Variants in GABRA2 observed in about 807,000 individuals in gnomAD.
GABRA2 encodes the protein gamma-aminobutyric acid receptor subunit alpha-2.
In GABRA2, 16 loss-of-function variants were observed where a neutral mutation model predicts 48.7. The ratio of observed to expected loss-of-function variants is 0.33; its 90% CI spans 0.22 to 0.50. GABRA2 has a LOEUF of 0.50. GABRA2 is among the 20% of genes least tolerant of loss of function. The pLI is 0.98. For synonymous variants in GABRA2, 185 were observed against 184.5 expected (o/e 1.00, Z -0.02); for missense variants, 275 against 535.6 (o/e 0.51, Z 4.80).
intron 4 of GABRA2, among the ~76,000 whole-genome samples, chr4:46,315,417 A>C (rs1309560344): frequency 6.6e-6 from 1 of 152,094 alleles, no homozygotes; most frequent in African/African-American, 2.4e-5. Flanking sequence ...ACAGTGTCCT[A>C]GGTGTGCCCT....
chr4:46,250,783 G>A (rs1315219396), intron 9 of GABRA2, among the ~76,000 whole-genome samples, 179 bp from the exon 10 acceptor site: 2 of 151,494 alleles, frequency 1.3e-5, no homozygotes, highest in Non-Finnish European at 3.0e-5. Flanking sequence ...ATTACGGTGA[G>A]AAAACCCCCA....
Position 46,330,261 on chromosome 4 carries a change from C to T in GABRA2, c.255+2354G>A, listed in dbSNP as rs546131688. Among the ~76,000 whole-genome samples, 115 of 151,998 alleles carry T rather than the reference C, an allele frequency of 7.6e-4. 1 individual carries two copies. Among genetic ancestry groups the T allele is most frequent in the African/African-American group, 2.7e-3 (113 of 41,510 alleles). On this transcript the variant is annotated intron_variant, in intron 4 of 9. Coordinates refer to ENST00000381620, the MANE Select transcript of GABRA2 (RefSeq NM_000807.4). ...TAAAAAATTTTAAAGTTCTTGGGTT[C>T]AATTTACAGATAAAGCACAGCTGTT...
chr4:46,317,896 G>A (rs919537333), intron 4 of GABRA2, among the ~76,000 whole-genome samples: 8 of 151,634 alleles, frequency 5.3e-5, no homozygotes, highest in South Asian at 2.1e-4. Context: ...TTAAAATACT[G>A]GTCAATGATA....
At chr4:46,278,703 C>T (rs1235394288) in intron 8 of GABRA2, among the ~76,000 whole-genome samples, 2 of 151,996 alleles carry the variant, frequency 1.3e-5, no homozygotes, top group Non-Finnish European at 2.9e-5. Context: ...GAGCCCATTT[C>T]CTTATAGATT....
intron 8 of GABRA2, among the ~76,000 whole-genome samples, chr4:46,291,774 C>CATATAT (rs1415105864): frequency 1.5e-4 from 16 of 107,920 alleles, no homozygotes; most frequent in East Asian, 6.5e-4. Context: ...AATAAACACA[C>CATATAT]ACATATATAT....
chr4:46,377,963 C>A (rs1320683826), intron 3 of GABRA2, among the ~76,000 whole-genome samples: 1 of 151,574 alleles, frequency 6.6e-6, no homozygotes, highest in Non-Finnish European at 1.5e-5. Flanking sequence ...GCCCGGCCAG[C>A]CGCCCCATCC....
chr4:46,288,155 GA>G (rs1246059723), intron 8 of GABRA2, among the ~76,000 whole-genome samples: 2 of 152,140 alleles, frequency 1.3e-5, no homozygotes, highest in Non-Finnish European at 2.9e-5. Context: ...AATTCAAGAT[GA>G]AATTTGAAAG....
intron 8 of GABRA2, among the ~76,000 whole-genome samples, chr4:46,295,872 T>C (rs1724539251): frequency 3.9e-5 from 6 of 152,158 alleles, no homozygotes; most frequent in Admixed American, 3.9e-4. Flanking sequence ...GCCAAGACTA[T>C]CATCTATGGA....
intron 8 of GABRA2, among the ~76,000 whole-genome samples, chr4:46,288,421 A>C (rs1052882218): frequency 6.6e-6 from 1 of 152,208 alleles, no homozygotes; most frequent in Non-Finnish European, 1.5e-5. Context: ...TCGTACCTAC[A>C]CTACTTGATC....
At position 46,245,513 on chromosome 4, in the gene GABRA2, A is replaced by T. The variant is rs1241006323; in HGVS notation, c.*4795T>A. ...ATTTTTAACCATATGCATAACTCAA[A>T]CCTAATTCTAATTAATAAGTTTGTT... On this transcript the variant is annotated 3_prime_UTR_variant, in exon 10 of 10. Transcript: ENST00000381620. Among the ~76,000 whole-genome samples the T allele has an allele frequency of 1.3e-5, 2 of 151,396 alleles. No homozygotes were observed. Among genetic ancestry groups the T allele is most frequent in the Admixed American group, 6.6e-5 (1 of 15,150 alleles).
intron 9 of GABRA2, among the ~76,000 whole-genome samples, chr4:46,259,936 T>G (rs1716613852): frequency 6.6e-6 from 1 of 151,922 alleles, no homozygotes; most frequent in African/African-American, 2.4e-5. Context: ...AAGGACATTT[T>G]AATTCTTAGT....
At chr4:46,269,976 G>A (rs967711073) in intron 8 of GABRA2, among the ~76,000 whole-genome samples, 2 of 151,778 alleles carry the variant, frequency 1.3e-5, no homozygotes, top group African/African-American at 4.8e-5. Flanking sequence ...AATATCTGAT[G>A]GTTGCACTAA....
rs1577797999 is a variant in GABRA2, at chr4:46,261,555, A to C, written c.1059+371T>G. On this transcript the variant is annotated intron_variant, in intron 9 of 9. Coordinates refer to ENST00000381620, the MANE Select transcript of GABRA2 (RefSeq NM_000807.4). ...GATCGGAGTTCAAGTATACTTACTA[A>C]CAAGTTGTGTAAGCTTGGGCAAGAA... 2.5e-5 allele frequency: 8 copies of C among 314,546 alleles called. No homozygotes were observed. In the East Asian group the frequency reaches 4.6e-4, roughly 18 times the overall value. The allele number at this position is 314,546 out of a possible 1,614,324, so 19.5% of individuals were successfully genotyped here.
At chr4:46,310,453 C>A (rs1458186818) in intron 5 of GABRA2, among the ~76,000 whole-genome samples, 198 bp from the exon 6 acceptor site, 2 of 152,082 alleles carry the variant, frequency 1.3e-5, no homozygotes, top group Non-Finnish European at 2.9e-5. Context: ...CTCAGTATAA[C>A]TGAAAATAAT....
chr4:46,324,992 A>G (rs1363974054), intron 4 of GABRA2, among the ~76,000 whole-genome samples: 2 of 151,876 alleles, frequency 1.3e-5, no homozygotes, highest in African/African-American at 4.8e-5. Flanking sequence ...GGTTGATTCC[A>G]TGTCTTTTCT....
At chr4:46,376,980 A>G (rs28497636) in intron 3 of GABRA2, among the ~76,000 whole-genome samples, 38,337 of 151,994 alleles carry the variant, frequency 0.25, 5,193 homozygotes, top group African/African-American at 0.32. Context: ...CAAGTGATCC[A>G]CCAGCCTCGG....
intron 3 of GABRA2, among the ~76,000 whole-genome samples, chr4:46,356,693 G>A (rs1736027652): frequency 6.6e-6 from 1 of 152,158 alleles, no homozygotes. Flanking sequence ...TCTGAGATGA[G>A]CAGAATGAAC....
intron 4 of GABRA2, among the ~76,000 whole-genome samples, chr4:46,327,985 C>A (rs1357723873): frequency 6.6e-6 from 1 of 151,826 alleles, no homozygotes; most frequent in Non-Finnish European, 1.5e-5. Context: ...ATAATATGCA[C>A]ACACAGTGAA....
rs368738790 is a variant in GABRA2 at position 46,261,910 on chromosome 4, G to A, written c.1059+16C>T. The A allele has an allele frequency of 9.4e-6, 15 of 1,599,128 alleles. No individual in the cohort carries two copies. The East Asian group carries it at 2.2e-4, about 24-fold the overall frequency. On this transcript the variant is annotated intron_variant, in intron 9 of 9. Coordinates refer to ENST00000381620, the MANE Select transcript of GABRA2 (RefSeq NM_000807.4). ...GGTATTTTCTTAATAATGATAACAC[G>A]GAAGCTCTCACTTACCTTGTCATTT...
Sources: allele counts gnomAD v4.1 joint callset (sites outside exome capture counted in the v4.1 genomes callset), GRCh38; gene constraint gnomAD v4.1.1; transcripts MANE v1.5; gene names NCBI Gene and HGNC (gene_info 2026-07-23, HGNC 2026-07-21).